SLIT1: variants seen among roughly 807,000 people sequenced by gnomAD.
SLIT1 encodes the protein slit guidance ligand 1.
A neutral mutation model predicts 186.1 loss-of-function variants in SLIT1; 66 were observed. The ratio of observed to expected loss-of-function variants is 0.35; its 90% CI spans 0.29 to 0.44. The LOEUF is 0.44. SLIT1 is among the 20% of genes least tolerant of loss of function. The probability of loss-of-function intolerance (pLI) is 1.00; values close to 1 mark genes in which losing one functional copy is unlikely to be tolerated. For synonymous variants in SLIT1, 761 were observed against 833.8 expected (o/e 0.91, Z 1.50); for missense variants, 1,638 against 2,037.4 (o/e 0.80, Z 3.77).
intron 25 of SLIT1, among the ~76,000 whole-genome samples, chr10:97,030,224 T>C (rs941271483): frequency 6.6e-6 from 1 of 152,224 alleles, no homozygotes; most frequent in Non-Finnish European, 1.5e-5. Flanking sequence ...ATAGCACTGC[T>C]AGCTAAATGG....
chr10:96,998,321 A>G lies in SLIT1; in HGVS notation c.*2791T>C, dbSNP rs1848266289. 6.6e-6 allele frequency: 1 copy of G among 152,230 alleles called. No individual in the cohort carries two copies. Among genetic ancestry groups the G allele is most frequent in the Admixed American group, 6.5e-5 (1 of 15,274 alleles). The allele number at this position is 152,230 out of a possible 1,614,324, so 9.4% of individuals were successfully genotyped here. On this transcript the variant is annotated 3_prime_UTR_variant, in exon 37 of 37. Coordinates refer to ENST00000266058, the MANE Select transcript of SLIT1 (RefSeq NM_003061.3). ...ATTAGAATCTGTAAGTATTCTGTAT[A>G]AAGAGATACTTTTGCGGTTAGGCTA...
chr10:97,033,000 G>A (rs1258704754), intron 23 of SLIT1, among the ~76,000 whole-genome samples: 1 of 152,074 alleles, frequency 6.6e-6, no homozygotes, highest in Non-Finnish European at 1.5e-5. Flanking sequence ...TCGGAGCTGG[G>A]AGAGGCAGGA....
rs1848499718 is a variant in SLIT1 at position 97,021,252 on chromosome 10, T to A, written c.2744A>T (p.Gln915Leu). 3 of 1,613,598 alleles carry A rather than the reference T, an allele frequency of 1.9e-6. No homozygotes were observed. The South Asian group carries it at 3.3e-5, about 18-fold the overall frequency. Residue 915 changes from glutamine to leucine, a missense_variant and splice_region_variant, in exon 26 of 37, where the codon CAA (glutamine) becomes CTA (leucine). This residue lies in a region of SLIT1 where 1,245 missense variants were observed against 1,535.3 expected (regional missense o/e 0.81). Transcript: ENST00000266058. The surrounding 1 kb of genome is among the most constrained non-coding windows in gnomAD (Gnocchi z 4.5). The stretch of plus-strand genomic sequence containing the variant: ...GGAGGCTGTGCTCCTAGGCTCACCT[T>A]GGCATTCAAACTTCTTGGCAGGCGT... ...LTTPAKKFEC[Q>L]GPPTLAVQAK...
chr10:97,035,699 G>C (rs1033723984), intron 22 of SLIT1, among the ~76,000 whole-genome samples: 1 of 152,162 alleles, frequency 6.6e-6, no homozygotes, highest in Non-Finnish European at 1.5e-5. Flanking sequence ...CATGTGCCTA[G>C]CATGTGGACT....
chr10:97,061,761 A>C (rs1848895646), intron 8 of SLIT1, among the ~76,000 whole-genome samples: 2 of 152,230 alleles, frequency 1.3e-5, no homozygotes, highest in Admixed American at 1.3e-4. Context: ...TTTTTGCAGA[A>C]AAAATGCACA....
intron 18 of SLIT1, among the ~76,000 whole-genome samples, chr10:97,046,333 C>A (rs546473346): frequency 6.6e-6 from 1 of 152,300 alleles, no homozygotes; most frequent in Admixed American, 6.5e-5. Context: ...TGCAGCAGTG[C>A]CAGCCACTCC....
chr10:97,160,816 G>A (rs1219725615), intron 3 of SLIT1, among the ~76,000 whole-genome samples: 1 of 152,162 alleles, frequency 6.6e-6, no homozygotes, highest in African/African-American at 2.4e-5. Flanking sequence ...CGCCTCCCGG[G>A]TTCAAGTGAT....
Position 97,021,195 on chromosome 10 carries a change from T to G in SLIT1, c.2746+55A>C. ...CAGGCATGTTAGGAAGGCCCTGCAGTGTTGGGCAAGTTCTGTGAGCCCCCA... is the reference window on the plus strand; with the variant it reads ...CAGGCATGTTAGGAAGGCCCTGCAGGGTTGGGCAAGTTCTGTGAGCCCCCA... On this transcript the variant is annotated intron_variant, in intron 26 of 36. Transcript: ENST00000266058. The surrounding 1 kb of genome is among the most constrained non-coding windows in gnomAD (Gnocchi z 4.5). 6.4e-7 allele frequency: 1 copy of G among 1,564,476 alleles called. No individual in the cohort carries two copies. The highest frequency in any genetic ancestry group is 8.7e-7 in the Non-Finnish European group (1 of 1,149,238).
intron 4 of SLIT1, among the ~76,000 whole-genome samples, chr10:97,083,439 T>C (rs1387774066): frequency 6.6e-6 from 1 of 152,128 alleles, no homozygotes; most frequent in Non-Finnish European, 1.5e-5. Flanking sequence ...GCAGTGACAC[T>C]TGATGGATGA....
chr10:97,001,480 C>T (rs1200214198), intron 36 of SLIT1, 130 bp from the exon 37 acceptor site: 1 of 683,390 alleles, frequency 1.5e-6, no homozygotes, highest in African/African-American at 1.8e-5. Flanking sequence ...TCTCAGACCC[C>T]ACCTCTGTCC....
intron 22 of SLIT1, among the ~76,000 whole-genome samples, chr10:97,036,753 G>A (rs553242833): frequency 3.6e-4 from 55 of 152,264 alleles, no homozygotes; most frequent in African/African-American, 1.3e-3. Flanking sequence ...GTAGAATCTG[G>A]CCAAGGAGCA....
intron 13 of SLIT1, among the ~76,000 whole-genome samples, chr10:97,054,574 C>T (rs1848820841): frequency 6.6e-6 from 1 of 152,178 alleles, no homozygotes; most frequent in Non-Finnish European, 1.5e-5. Context: ...GACAGCCAGA[C>T]ATCTGTCTGC....
At chr10:97,069,602 G>A (rs1467885568) in intron 4 of SLIT1, among the ~76,000 whole-genome samples, 8 of 152,176 alleles carry the variant, frequency 5.3e-5, no homozygotes, top group Admixed American at 2.0e-4. Context: ...ATCTCTGACC[G>A]GATCTTAAAG....
At chr10:97,088,081 G>A (rs761307174) in intron 4 of SLIT1, among the ~76,000 whole-genome samples, 6 of 152,030 alleles carry the variant, frequency 3.9e-5, no homozygotes, top group South Asian at 2.1e-4. Context: ...GAACTATCTG[G>A]GAAACTTAAA....
At position 97,163,444 on chromosome 10, in the gene SLIT1, T is replaced by A. The variant is rs1285668982; in HGVS notation, c.277A>T (p.Met93Leu). The A allele has an allele frequency of 6.2e-7, 1 of 1,613,982 alleles. No homozygotes were observed. The highest frequency in any genetic ancestry group is 8.5e-7 in the Non-Finnish European group (1 of 1,179,940). Reference sequence around the variant, plus strand: ...TCCACTGCTCCAATCTGGTTCTCCATCAGCTGCCTGGGGAAGCAAAGAGAC... The same window carrying A: ...TCCACTGCTCCAATCTGGTTCTCCAACAGCTGCCTGGGGAAGCAAAGAGAC... ...GLKQLRVLQL[M>L]ENQIGAVERG... is the part of the protein sequence containing the mutation. Residue 93 changes from methionine (M) to leucine (L), a missense_variant, in exon 3 of 37, where the codon ATG becomes TTG. By Grantham distance (15) the Met-to-Leu change is conservative. Coordinates refer to ENST00000266058, the MANE Select transcript of SLIT1 (RefSeq NM_003061.3).
chr10:97,181,382 G>A (rs1294034659), intron 1 of SLIT1, among the ~76,000 whole-genome samples: 2 of 152,358 alleles, frequency 1.3e-5, no homozygotes, highest in East Asian at 3.9e-4. Context: ...CTCCCCAGAG[G>A]ATCAGCCTCA....
intron 4 of SLIT1, among the ~76,000 whole-genome samples, chr10:97,112,689 T>G (rs1849475811): frequency 6.6e-6 from 1 of 152,138 alleles, no homozygotes; most frequent in Admixed American, 6.6e-5. Flanking sequence ...GATTTGTTAT[T>G]AATTTGTTTT....
At chr10:97,097,421 G>T (rs1199373716) in intron 4 of SLIT1, among the ~76,000 whole-genome samples, 1 of 152,214 alleles carries the variant, frequency 6.6e-6, no homozygotes, top group Non-Finnish European at 1.5e-5. Context: ...TACAGAGAAA[G>T]CATTTCCAAC....
chr10:97,172,656 C>G (rs1850205699), intron 1 of SLIT1, among the ~76,000 whole-genome samples: 1 of 152,190 alleles, frequency 6.6e-6, no homozygotes, highest in African/African-American at 2.4e-5. Context: ...TGGCTCACTC[C>G]TATAATCCCA....
Sources: gnomAD v4.1 joint callset for allele counts (sites outside exome capture counted in the v4.1 genomes callset) on GRCh38, gnomAD v4.1.1 for gene constraint, gnomAD v4.1.1 regional missense constraint, Gnocchi (gnomAD v3.1) non-coding constraint, MANE v1.5 for transcripts, NCBI Gene and HGNC (gene_info 2026-07-23, HGNC 2026-07-21) for gene names.